Variants in FNBP1 observed in about 807,000 individuals in gnomAD.
FNBP1 encodes formin-binding protein 1.
A neutral mutation model predicts 90.6 loss-of-function variants in FNBP1; 26 were observed. The observed-to-expected ratio is 0.29, with a 90% CI of 0.21 to 0.40. The LOEUF (loss-of-function observed/expected upper bound fraction) is 0.40. FNBP1 is among the 10% of genes least tolerant of loss of function. The pLI is 1.00. For synonymous variants in FNBP1, 260 were observed against 265.2 expected (o/e 0.98, Z 0.19); for missense variants, 635 against 768.0 (o/e 0.83, Z 2.05).
chr9:129,930,833 G>A (rs975328712), intron 6 of FNBP1, among the ~76,000 whole-genome samples: 12 of 152,096 alleles, frequency 7.9e-5, no homozygotes, highest in Non-Finnish European at 1.8e-4. Context: ...GTCCACACAA[G>A]GCAAAAAACT....
At chr9:129,923,480 G>A (rs2041407851) in intron 10 of FNBP1, among the ~76,000 whole-genome samples, 1 of 151,536 alleles carries the variant, frequency 6.6e-6, no homozygotes, top group African/African-American at 2.4e-5. Flanking sequence ...TCAGGAGGCC[G>A]AGGCAGGAGA....
intron 4 of FNBP1, among the ~76,000 whole-genome samples, chr9:129,970,194 T>G (rs2049235659): frequency 6.6e-6 from 1 of 151,226 alleles, no homozygotes; most frequent in African/African-American, 2.4e-5. Flanking sequence ...CGTGAGCCAC[T>G]GCGCCTGGCC....
chr9:129,988,302 A>G (rs749727758), intron 2 of FNBP1, among the ~76,000 whole-genome samples: 1 of 151,210 alleles, frequency 6.6e-6, no homozygotes, highest in Non-Finnish European at 1.5e-5. Context: ...AAAAAAAATT[A>G]TATTAGGAAT....
intron 10 of FNBP1, 56 bp from the exon 11 acceptor site, chr9:129,916,036 G>T: frequency 1.7e-6 from 2 of 1,186,344 alleles, no homozygotes; most frequent in Non-Finnish European, 2.4e-6. Context: ...GAGAGAGAAA[G>T]AGAAAAAAAA....
At chr9:129,934,016 T>G (rs1285280058) in intron 6 of FNBP1, among the ~76,000 whole-genome samples, 3 of 152,198 alleles carry the variant, frequency 2.0e-5, no homozygotes, top group Non-Finnish European at 4.4e-5. Context: ...GTTGAATCAA[T>G]TACTCATTAT....
At chr9:130,005,358 T>C (rs2055520805) in intron 1 of FNBP1, among the ~76,000 whole-genome samples, 1 of 149,394 alleles carries the variant, frequency 6.7e-6, no homozygotes, top group South Asian at 2.2e-4. Flanking sequence ...TTTTTTTTTT[T>C]TGAGACGGAG....
intron 1 of FNBP1, among the ~76,000 whole-genome samples, chr9:130,037,387 G>A (rs771848588): frequency 2.0e-4 from 31 of 152,078 alleles, no homozygotes; most frequent in Non-Finnish European, 3.7e-4. Context: ...CAGTAGAAGA[G>A]CTAGGGACGA....
chr9:129,938,506 AAATATGCTT>A (rs1200926299), intron 6 of FNBP1, among the ~76,000 whole-genome samples: 2 of 151,818 alleles, frequency 1.3e-5, no homozygotes, highest in Admixed American at 1.3e-4. Context: ...TTAACCAAAG[AAATATGCTT>A]GAACTATTCC....
At position 129,889,081 on chromosome 9, in the gene FNBP1, C is replaced by CCG; in HGVS notation, c.*1457_*1458insCG. On this transcript the variant is annotated 3_prime_UTR_variant, in exon 17 of 17. Coordinates refer to ENST00000446176, the MANE Select transcript of FNBP1 (RefSeq NM_015033.3). Reference sequence around the variant, plus strand: ...GGGGCTGCTCTGCTCTAAGGCGTGGCGGGGGGGGGGGGTGGTGGCCACAGA... The same window carrying CCG: ...GGGGCTGCTCTGCTCTAAGGCGTGGCCGGGGGGGGGGGGGTGGTGGCCACAGA... 2.5e-5 allele frequency: 1 copy of CCG among 39,930 alleles called. No homozygotes were observed. The allele number at this position is 39,930 out of a possible 1,614,324, so 2.5% of individuals were successfully genotyped here.
chr9:130,007,549 T>C (rs911349668), intron 1 of FNBP1, among the ~76,000 whole-genome samples: 6 of 152,170 alleles, frequency 3.9e-5, no homozygotes, highest in Non-Finnish European at 8.8e-5. Context: ...GAAACTGCTA[T>C]GGAATGTATC....
Position 129,913,078 on chromosome 9 carries a change from G to A in FNBP1, c.1185+2888C>T, listed in dbSNP as rs537039563. ...CAAAAATTAGCTAGGCATGATGGCA[G>A]TTGCCTGTAATCCCAGCTACTCGGG... On this transcript the variant is annotated intron_variant, in intron 11 of 16. Transcript: ENST00000446176. 8.6e-5 allele frequency among the ~76,000 whole-genome samples: 13 copies of A among 151,818 alleles called. No individual in the cohort carries two copies. In the East Asian group the frequency reaches 2.1e-3, roughly 25 times the overall value.
At chr9:130,024,318 G>C (rs1275065854) in intron 1 of FNBP1, among the ~76,000 whole-genome samples, 1 of 152,004 alleles carries the variant, frequency 6.6e-6, no homozygotes, top group East Asian at 1.9e-4. Flanking sequence ...GGGCGTGGTA[G>C]TGTGCACCTG....
chr9:129,910,489 C>CA (rs547041722), intron 11 of FNBP1, among the ~76,000 whole-genome samples: 7,979 of 121,724 alleles, frequency 0.066, 349 homozygotes, highest in Middle Eastern at 0.16. Context: ...CTCAAAAAAA[C>CA]AAAAAAAAAA....
chr9:129,939,178 C>G (rs541336676), intron 6 of FNBP1, among the ~76,000 whole-genome samples: 1 of 152,188 alleles, frequency 6.6e-6, no homozygotes, highest in Non-Finnish European at 1.5e-5. Context: ...CACCTGAGGT[C>G]AGGAGTTCAA....
rs143972334 is a variant in FNBP1, at chr9:129,898,987, G to A, written c.1687+978C>T. On this transcript the variant is annotated intron_variant, in intron 15 of 16. Transcript: ENST00000446176. ...CTCTCTGGAAGCTGTTAAGTTATAC[G>A]AACCAAAAGTCAAAATATACAACCA... Among the ~76,000 whole-genome samples, 372 of 151,874 alleles carry A rather than the reference G, an allele frequency of 2.4e-3. 1 individual carries two copies. Among genetic ancestry groups the A allele is most frequent in the Middle Eastern group, 0.017 (5 of 294 alleles).
intron 16 of FNBP1, chr9:129,895,612 C>G: frequency 8.1e-7 from 1 of 1,238,874 alleles, no homozygotes; most frequent in Admixed American, 4.2e-5. Context: ...CAGCTTTCCA[C>G]ATAAAATTTC....
In FNBP1 at chr9:129,925,105, T is replaced by A. The variant is rs2041677231; in HGVS notation, c.842A>T (p.Asp281Val). The change falls in exon 9 of 17, where the codon GAC becomes GTC. Residue 281 changes from aspartate (D) to valine (V), a missense_variant. By Grantham distance (152) the Asp-to-Val change is radical. Transcript: ENST00000446176. ...CTGAGTGTAATCCTCAAATTCAATG[T>A]CTCCAGGAGGCTCAAACCCTGATTT... ...AYKSGFEPPGDIEFEDYTQPM... is the reference protein window; with the variant it reads ...AYKSGFEPPGVIEFEDYTQPM... 1 of 1,613,900 alleles carries A rather than the reference T, an allele frequency of 6.2e-7. No homozygotes were observed. Among genetic ancestry groups the A allele is most frequent in the Non-Finnish European group, 8.5e-7 (1 of 1,179,794 alleles).
In FNBP1 at chr9:129,924,828, A is replaced by G. The variant is rs2041636726; in HGVS notation, c.987+132T>C. The G allele has an allele frequency of 5.2e-6, 4 of 771,242 alleles. No homozygotes were observed. In the Admixed American group the frequency reaches 1.2e-4, roughly 22 times the overall value. The allele number at this position is 771,242 out of a possible 1,614,324, so 47.8% of individuals were successfully genotyped here. ...CACCAAAAAGAAATACTGTCTCAAC[A>G]TAAGGTAGCACACTAGCTTCTTCTT... On this transcript the variant is annotated intron_variant, in intron 9 of 16. Transcript: ENST00000446176.
chr9:129,965,031 C>T (rs999848515), intron 4 of FNBP1, among the ~76,000 whole-genome samples: 5 of 152,178 alleles, frequency 3.3e-5, no homozygotes, highest in African/African-American at 1.2e-4. Flanking sequence ...GTGACAAATC[C>T]TGTTTCCTCT....
Sources: gnomAD v4.1 joint callset for allele counts (sites outside exome capture counted in the v4.1 genomes callset) on GRCh38, gnomAD v4.1.1 for gene constraint, MANE v1.5 for transcripts, NCBI Gene and HGNC (gene_info 2026-07-23, HGNC 2026-07-21) for gene names.